Variants in FAM13A observed in about 807,000 individuals in gnomAD.
FAM13A encodes family with sequence similarity 13 member A.
Under a neutral mutation model 129.6 loss-of-function variants are expected in FAM13A, and 76 were observed. The observed-to-expected ratio is 0.59, with a 90% confidence interval of 0.49 to 0.71. The LOEUF (loss-of-function observed/expected upper bound fraction) is 0.71. Ranked by LOEUF, FAM13A falls within the 30% of genes least tolerant of loss-of-function variation. The pLI, the probability that FAM13A is intolerant of heterozygous loss-of-function variation, is 0.00. For missense variants in FAM13A, 1,108 were observed against 1,249.3 expected (o/e 0.89, Z 1.70); for synonymous variants, 443 against 449.9 (o/e 0.98, Z 0.20).
At chr4:89,021,298 G>A (rs1767221605) in intron 2 of FAM13A, among the ~76,000 whole-genome samples, 1 of 152,210 alleles carries the variant, frequency 6.6e-6, no homozygotes, top group Non-Finnish European at 1.5e-5. Flanking sequence ...AGGGGCTGGA[G>A]CTGTTACGCT....
chr4:88,921,271 GA>G (rs1230858303), intron 5 of FAM13A, among the ~76,000 whole-genome samples: 2 of 152,032 alleles, frequency 1.3e-5, no homozygotes, highest in Non-Finnish European at 2.9e-5. Context: ...AAGTTGAAAT[GA>G]AGGAAAAAAT....
At chr4:88,930,029 G>A (rs569013495) in intron 5 of FAM13A, among the ~76,000 whole-genome samples, 60 of 151,360 alleles carry the variant, frequency 4.0e-4, no homozygotes, top group African/African-American at 1.4e-3. Flanking sequence ...GTAAGCCACC[G>A]AGCTCATTTT....
chr4:88,795,698 C>A (rs900064804), intron 8 of FAM13A, among the ~76,000 whole-genome samples: 1 of 151,686 alleles, frequency 6.6e-6, no homozygotes, highest in African/African-American at 2.4e-5. Context: ...AATAATGCTG[C>A]TATTTACATA....
At chr4:89,016,748 C>T (rs1305203240) in intron 3 of FAM13A, among the ~76,000 whole-genome samples, 1 of 152,178 alleles carries the variant, frequency 6.6e-6, no homozygotes, top group Non-Finnish European at 1.5e-5. Context: ...GATCCTCCCT[C>T]CTCAGCCTCC....
At chr4:88,874,326 A>C (rs961573017) in intron 6 of FAM13A, among the ~76,000 whole-genome samples, 1 of 152,216 alleles carries the variant, frequency 6.6e-6, no homozygotes, top group East Asian at 1.9e-4. Flanking sequence ...AGAGTATTCA[A>C]TTAGGAAAAG....
intron 19 of FAM13A, among the ~76,000 whole-genome samples, chr4:88,740,882 C>T (rs1578440327): frequency 6.6e-6 from 1 of 152,106 alleles, no homozygotes; most frequent in East Asian, 1.9e-4. Flanking sequence ...TGTACTATAC[C>T]ATGAGGAGTT....
At chr4:88,740,917 T>C (rs1740110414) in intron 19 of FAM13A, among the ~76,000 whole-genome samples, 1 of 152,166 alleles carries the variant, frequency 6.6e-6, no homozygotes, top group South Asian at 2.1e-4. Flanking sequence ...ACAATGACTG[T>C]CAAAACTAGA....
rs548896673 is a variant in FAM13A, at chr4:88,798,689, T to C, written c.1049+6322A>G. Reference sequence around the variant, plus strand: ...CTTTTGACATGGCTTTTCTTTATCATTGCTACAGAGCTGTCTCTAGAGTTT... The same window carrying C: ...CTTTTGACATGGCTTTTCTTTATCACTGCTACAGAGCTGTCTCTAGAGTTT... On this transcript the variant is annotated intron_variant, in intron 8 of 23. Coordinates refer to ENST00000264344, the MANE Select transcript of FAM13A (RefSeq NM_014883.4). Among the ~76,000 whole-genome samples the C allele has an allele frequency of 4.6e-5, 7 of 152,330 alleles. No individual in the cohort carries two copies. In the South Asian group the frequency reaches 8.3e-4, roughly 18 times the overall value.
intron 10 of FAM13A, among the ~76,000 whole-genome samples, chr4:88,786,328 T>C (rs1193986029): frequency 6.6e-6 from 1 of 152,162 alleles, no homozygotes; most frequent in Admixed American, 6.5e-5. Flanking sequence ...CTGAGGATAT[T>C]TTTAAAATGC....
At chr4:88,943,365 T>C (rs1321305419) in intron 4 of FAM13A, among the ~76,000 whole-genome samples, 1 of 152,234 alleles carries the variant, frequency 6.6e-6, no homozygotes, top group Non-Finnish European at 1.5e-5. Context: ...GTTCCAATTG[T>C]ATGGATATGT....
chr4:88,821,434 A>T (rs998755274), intron 7 of FAM13A, among the ~76,000 whole-genome samples: 2 of 152,224 alleles, frequency 1.3e-5, no homozygotes, highest in African/African-American at 4.8e-5. Flanking sequence ...ATCATGACTA[A>T]AAATACAAAA....
At chr4:88,750,242 T>C (rs1213091986) in intron 15 of FAM13A, among the ~76,000 whole-genome samples, 182 bp downstream of exon 15, 1 of 152,156 alleles carries the variant, frequency 6.6e-6, no homozygotes, top group Non-Finnish European at 1.5e-5. Flanking sequence ...GATGTTGCAG[T>C]TGGGCCACAG....
At chr4:88,886,313 G>A (rs1054121228) in intron 6 of FAM13A, among the ~76,000 whole-genome samples, 3 of 152,218 alleles carry the variant, frequency 2.0e-5, no homozygotes, top group African/African-American at 7.2e-5. Flanking sequence ...TGGTGGCTGG[G>A]TGTGGTGGCT....
intron 14 of FAM13A, among the ~76,000 whole-genome samples, chr4:88,753,841 T>A (rs149381275): frequency 6.6e-6 from 1 of 152,182 alleles, no homozygotes; most frequent in Non-Finnish European, 1.5e-5. Context: ...AATAAGGTAG[T>A]GTGGTAGATA....
At chr4:88,863,074 G>A (rs548322815) in intron 6 of FAM13A, among the ~76,000 whole-genome samples, 1 of 151,684 alleles carries the variant, frequency 6.6e-6, no homozygotes, top group African/African-American at 2.4e-5. Flanking sequence ...GGACTGTCCA[G>A]TGATGAGTGC....
rs1355531436 is a variant in FAM13A, at chr4:89,017,415, T to A, written c.427+3045A>T. ...ACTTTCTGATGACTGAGGAATCACG[T>A]CATAAAGAATATGGCGACTCACAAA... On this transcript the variant is annotated intron_variant, in intron 3 of 23. Transcript: ENST00000264344. Among the ~76,000 whole-genome samples, 4 of 152,132 alleles carry A rather than the reference T, an allele frequency of 2.6e-5. No individual in the cohort carries two copies. The East Asian group carries it at 7.7e-4, about 29-fold the overall frequency.
At chr4:88,925,371 A>G (rs1216997198) in intron 5 of FAM13A, among the ~76,000 whole-genome samples, 2 of 152,246 alleles carry the variant, frequency 1.3e-5, no homozygotes, top group Non-Finnish European at 2.9e-5. Flanking sequence ...AATACTATGC[A>G]GCCATAAAAA....
At chr4:88,896,248 C>T (rs1166120068) in intron 6 of FAM13A, among the ~76,000 whole-genome samples, 1 of 138,866 alleles carries the variant, frequency 7.2e-6, no homozygotes, top group Admixed American at 8.2e-5. Flanking sequence ...GGAAGGGGAA[C>T]ATCACACTCT....
chr4:88,887,758 C>G (rs1379696577), intron 6 of FAM13A, among the ~76,000 whole-genome samples: 1 of 152,098 alleles, frequency 6.6e-6, no homozygotes, highest in Non-Finnish European at 1.5e-5. Context: ...GTCTCAAACT[C>G]CTGGCCTCCA....
Sources: allele counts gnomAD v4.1 joint callset (sites outside exome capture counted in the v4.1 genomes callset), GRCh38; gene constraint gnomAD v4.1.1; transcripts MANE v1.5; gene names NCBI Gene and HGNC (gene_info 2026-07-23, HGNC 2026-07-21).